NRXN3: variants seen among roughly 807,000 people sequenced by gnomAD.
The protein encoded by NRXN3 is neurexin 3.
A neutral mutation model predicts 137.6 loss-of-function variants in NRXN3; 32 were observed. The ratio of observed to expected loss-of-function variants is 0.23; its 90% CI spans 0.18 to 0.31. The LOEUF (loss-of-function observed/expected upper bound fraction) is 0.31, where lower values mean the gene tolerates loss of function less well. Among genes scored for constraint, NRXN3 ranks in the 10% least tolerant of loss-of-function variants. The pLI, the probability that NRXN3 is intolerant of heterozygous loss-of-function variation, is 1.00. For synonymous variants in NRXN3, 798 were observed against 784.5 expected, an observed-to-expected ratio of 1.02 and a Z score of -0.29; for missense variants, 1,574 against 2,062.5, an observed-to-expected ratio of 0.76 and a Z score of 4.59.
At chr14:79,144,079 G>A (rs182222770) in intron 15 of NRXN3, among the ~76,000 whole-genome samples, 87 of 152,212 alleles carry the variant, frequency 5.7e-4, no homozygotes, top group Non-Finnish European at 4.9e-4. Context: ...TTACGTTGTG[G>A]GACACTCATC....
chr14:79,836,110 G>A (rs2099342171), intron 20 of NRXN3, among the ~76,000 whole-genome samples: 2 of 152,254 alleles, frequency 1.3e-5, no homozygotes, highest in South Asian at 2.1e-4. Context: ...ATATTATAGA[G>A]AGAAGAGCAG....
chr14:78,560,090 A>G (rs2096773232), intron 4 of NRXN3, among the ~76,000 whole-genome samples: 1 of 152,156 alleles, frequency 6.6e-6, no homozygotes, highest in Non-Finnish European at 1.5e-5. Flanking sequence ...TGGCTATGAA[A>G]GGGTGGTAGG....
intron 19 of NRXN3, among the ~76,000 whole-genome samples, chr14:79,721,580 G>C (rs957658912): frequency 6.6e-6 from 1 of 152,064 alleles, no homozygotes; most frequent in African/African-American, 2.4e-5. Context: ...TTGAAGGAAT[G>C]ACTTCGGAAA....
At chr14:79,241,960 G>A (rs192249136) in intron 15 of NRXN3, among the ~76,000 whole-genome samples, 10 of 152,014 alleles carry the variant, frequency 6.6e-5, no homozygotes, top group South Asian at 6.2e-4. Context: ...CCAGCTATTC[G>A]GGAGGCTGAG....
chr14:79,051,443 G>A (rs2099641733), intron 15 of NRXN3, among the ~76,000 whole-genome samples: 1 of 152,202 alleles, frequency 6.6e-6, no homozygotes, highest in Non-Finnish European at 1.5e-5. Flanking sequence ...GTGGAAAAGA[G>A]CATGAACCCA....
intron 15 of NRXN3, among the ~76,000 whole-genome samples, chr14:79,024,675 G>A (rs944119605): frequency 2.6e-5 from 4 of 151,998 alleles, no homozygotes; most frequent in Non-Finnish European, 5.9e-5. Flanking sequence ...GGCCTTTCAG[G>A]GCTTGGTAAA....
intron 20 of NRXN3, among the ~76,000 whole-genome samples, chr14:79,830,671 G>A (rs1409584977): frequency 6.6e-6 from 1 of 152,178 alleles, no homozygotes; most frequent in Non-Finnish European, 1.5e-5. Context: ...CACCCAAATT[G>A]CAACTGAGGA....
chr14:78,283,579 G>A (rs1016011659), intron 3 of NRXN3, among the ~76,000 whole-genome samples: 19 of 151,468 alleles, frequency 1.3e-4, no homozygotes, highest in African/African-American at 4.4e-4. Context: ...TGCAATCTCA[G>A]CTCACTGCAA....
At chr14:79,771,082 T>C (rs1285344556) in intron 19 of NRXN3, among the ~76,000 whole-genome samples, 2 of 152,092 alleles carry the variant, frequency 1.3e-5, no homozygotes, top group Non-Finnish European at 2.9e-5. Flanking sequence ...CAGGAAGAAA[T>C]TGAGTCTCTG....
At chr14:78,595,331 G>A (rs1382447950) in intron 4 of NRXN3, among the ~76,000 whole-genome samples, 1 of 152,174 alleles carries the variant, frequency 6.6e-6, no homozygotes, top group South Asian at 2.1e-4. Flanking sequence ...AGTGGTTAAG[G>A]ACAACTTCTG....
At chr14:79,588,464 T>C (rs1486545486) in intron 16 of NRXN3, among the ~76,000 whole-genome samples, 1 of 152,170 alleles carries the variant, frequency 6.6e-6, no homozygotes, top group Non-Finnish European at 1.5e-5. Flanking sequence ...TAGTTTTTAA[T>C]CAGGAGGGAA....
intron 15 of NRXN3, among the ~76,000 whole-genome samples, chr14:79,242,878 A>G (rs535560143): frequency 1.1e-4 from 17 of 152,328 alleles, no homozygotes; most frequent in African/African-American, 3.6e-4. Flanking sequence ...GCTGTTTTAC[A>G]GTGTATCATG....
intron 4 of NRXN3, among the ~76,000 whole-genome samples, chr14:78,347,031 A>C (rs2082832610): frequency 6.6e-6 from 1 of 152,190 alleles, no homozygotes; most frequent in Non-Finnish European, 1.5e-5. Flanking sequence ...TTACAATTTG[A>C]ATAAGTTATC....
Position 78,715,025 on chromosome 14 carries a change from G to T in NRXN3, c.1930G>T (p.Ala644Ser). The T allele has an allele frequency of 6.2e-7, 1 of 1,614,004 alleles. No homozygotes were observed. The highest frequency in any genetic ancestry group is 8.5e-7 in the Non-Finnish European group (1 of 1,180,030). ...GVKSSCSRMS[A>S]KQCDSYPCKN... ...CAAGTCCTCCTGTTCACGGATGAGT[G>T]CCAAGCAGTGTGACAGCTACCCCTG... Residue 644 changes from alanine to serine, a missense_variant, in exon 8 of 21, where the codon GCC (alanine) becomes TCC (serine). Ala to Ser is a moderately conservative substitution (Grantham distance 99, BLOSUM62 1). This residue lies in a region of NRXN3 where 718 missense variants were observed against 887.6 expected (regional missense o/e 0.81). Transcript: ENST00000335750.
At chr14:78,379,081 A>G (rs755172062) in intron 4 of NRXN3, among the ~76,000 whole-genome samples, 4 of 152,122 alleles carry the variant, frequency 2.6e-5, no homozygotes, top group Admixed American at 2.0e-4. Flanking sequence ...TATAAAATAG[A>G]TAATATGAGT....
chr14:79,741,638 C>A (rs1376503196), intron 19 of NRXN3, among the ~76,000 whole-genome samples: 1 of 152,010 alleles, frequency 6.6e-6, no homozygotes, highest in Non-Finnish European at 1.5e-5. Flanking sequence ...GTGTGCATCA[C>A]CACACTCAGC....
chr14:78,209,387 G>A (rs986476204), intron 1 of NRXN3, among the ~76,000 whole-genome samples: 1 of 152,148 alleles, frequency 6.6e-6, no homozygotes, highest in African/African-American at 2.4e-5. Context: ...CGATTACCTC[G>A]TCCATCTTCC....
At chr14:79,520,653 T>A (rs1945708361) in intron 16 of NRXN3, among the ~76,000 whole-genome samples, 1 of 152,180 alleles carries the variant, frequency 6.6e-6, no homozygotes, top group South Asian at 2.1e-4. Flanking sequence ...TATTCCATGT[T>A]GTATATGTGC....
rs71131691 is a variant in NRXN3 at position 79,272,216 on chromosome 14, GTT to G, written c.3263-194989_3263-194988del. On this transcript the variant is annotated intron_variant, in intron 15 of 20. Transcript: ENST00000335750. ...TTGTGGCTGGTCTAATTTGGTTTAG[GTT>G]TTTTTTTTTTTTTTTCCTGTTAGTT... Among the ~76,000 whole-genome samples, 583 of 132,592 alleles carry G rather than the reference GTT, an allele frequency of 4.4e-3. 8 individuals carry two copies. The highest frequency in any genetic ancestry group is 0.015 in the African/African-American group (522 of 35,150). 87.0% of individuals were successfully genotyped at this position (132,592 alleles called of 152,430 possible).
Sources: gnomAD v4.1 joint callset for allele counts (sites outside exome capture counted in the v4.1 genomes callset) on GRCh38, gnomAD v4.1.1 for gene constraint, gnomAD v4.1.1 regional missense constraint, MANE v1.5 for transcripts, NCBI Gene and HGNC (gene_info 2026-07-23, HGNC 2026-07-21) for gene names.